CNTN5: variants seen among roughly 807,000 people sequenced by gnomAD.
CNTN5 encodes the protein contactin 5, also known as contactin-5.
In CNTN5, 77 loss-of-function variants were observed where a neutral mutation model predicts 129.1. The ratio of observed to expected loss-of-function variants is 0.60; its 90% CI spans 0.50 to 0.72. The LOEUF is 0.72. Among genes scored for constraint, CNTN5 ranks in the 30% least tolerant of loss-of-function variants. The pLI, the probability that CNTN5 is intolerant of heterozygous loss-of-function variation, is 0.00. For synonymous variants in CNTN5, 509 were observed against 465.6 expected, an observed-to-expected ratio of 1.09 and a Z score of -1.20; for missense variants, 1,478 against 1,328.8, an observed-to-expected ratio of 1.11 and a Z score of -1.75.
At chr11:99,973,251 T>C (rs1351175108) in intron 8 of CNTN5, among the ~76,000 whole-genome samples, 1 of 152,186 alleles carries the variant, frequency 6.6e-6, no homozygotes, top group African/African-American at 2.4e-5. Flanking sequence ...TTAGTAACTG[T>C]GGCTCTCTGG....
At chr11:100,142,330 C>T (rs1226781982) in intron 13 of CNTN5, among the ~76,000 whole-genome samples, 2 of 152,176 alleles carry the variant, frequency 1.3e-5, no homozygotes, top group Non-Finnish European at 2.9e-5. Flanking sequence ...GTCTGTCTGT[C>T]TGCCTATCTG....
intron 12 of CNTN5, among the ~76,000 whole-genome samples, chr11:100,073,006 A>AAAAAAAAAAAAG (rs1565214705): frequency 2.0e-5 from 3 of 151,258 alleles, no homozygotes; most frequent in African/African-American, 7.3e-5. Flanking sequence ...AAAAAAAAAA[A>AAAAAAAAAAAAG]AAAAAGTTAC....
intron 3 of CNTN5, among the ~76,000 whole-genome samples, chr11:99,617,989 T>G (rs1950813459): frequency 6.6e-6 from 1 of 152,168 alleles, no homozygotes; most frequent in Non-Finnish European, 1.5e-5. Context: ...TCTCACACAA[T>G]AAAGTACTCA....
Position 100,061,276 on chromosome 11 carries a change from A to C in CNTN5, c.1045A>C (p.Lys349Gln). 1.2e-6 allele frequency: 2 copies of C among 1,613,684 alleles called. No individual in the cohort carries two copies. Among genetic ancestry groups the C allele is most frequent in the Non-Finnish European group, 1.7e-6 (2 of 1,179,620 alleles). ...TATTCCTAGTAAGGCACGTCTGCGG[A>C]AATCTCAGGCGGTGCTGGAAATACC... is the stretch of plus-strand genomic sequence containing the variant. Reference protein sequence around the residue: ...GYIPSKARLRKSQAVLEIPNV... With the variant: ...GYIPSKARLRQSQAVLEIPNV... Residue 349 changes from lysine to glutamine, a missense_variant, in exon 10 of 25, where the codon AAA (lysine) becomes CAA (glutamine). Coordinates refer to ENST00000524871, the MANE Select transcript of CNTN5 (RefSeq NM_014361.4).
intron 2 of CNTN5, among the ~76,000 whole-genome samples, chr11:99,502,620 T>G (rs1410710484): frequency 6.6e-6 from 1 of 152,174 alleles, no homozygotes. Flanking sequence ...GAACTGTAAG[T>G]CAATTAAACC....
chr11:100,228,847 G>A (rs997653271), intron 16 of CNTN5, among the ~76,000 whole-genome samples: 6 of 152,166 alleles, frequency 3.9e-5, no homozygotes, highest in African/African-American at 1.4e-4. Context: ...TGTCACAGAG[G>A]AAATAGTGAG....
intron 1 of CNTN5, among the ~76,000 whole-genome samples, chr11:99,101,459 C>G (rs886735770): frequency 6.6e-6 from 1 of 152,210 alleles, no homozygotes; most frequent in Non-Finnish European, 1.5e-5. Context: ...AGGCAAGTCC[C>G]TTCCACCTAT....
chr11:99,261,601 G>A (rs929114925), intron 1 of CNTN5, among the ~76,000 whole-genome samples: 19 of 152,010 alleles, frequency 1.2e-4, no homozygotes, highest in African/African-American at 3.9e-4. Context: ...GTAAACAGGG[G>A]CGTTGACACT....
chr11:100,133,618 T>A (rs1173981426), intron 13 of CNTN5, among the ~76,000 whole-genome samples: 1 of 152,098 alleles, frequency 6.6e-6, no homozygotes, highest in Non-Finnish European at 1.5e-5. Context: ...CCAAGAACCA[T>A]GTAAAGTTAT....
chr11:99,158,145 T>C (rs1428436485), intron 1 of CNTN5, among the ~76,000 whole-genome samples: 2 of 152,184 alleles, frequency 1.3e-5, no homozygotes, highest in African/African-American at 4.8e-5. Flanking sequence ...TACTCACCTG[T>C]CCACCTCACC....
chr11:99,402,375 T>C (rs1941858906), intron 2 of CNTN5, among the ~76,000 whole-genome samples: 1 of 152,176 alleles, frequency 6.6e-6, no homozygotes, highest in Non-Finnish European at 1.5e-5. Context: ...ATTACATTGA[T>C]TAATTTGCAT....
chr11:99,630,433 C>T (rs1258290570), intron 3 of CNTN5, among the ~76,000 whole-genome samples: 4 of 151,980 alleles, frequency 2.6e-5, no homozygotes, highest in Non-Finnish European at 5.9e-5. Flanking sequence ...ACATGGTTTA[C>T]ATTAATTTTC....
chr11:100,341,659 A>G (rs1427485769), intron 23 of CNTN5, among the ~76,000 whole-genome samples: 1 of 152,232 alleles, frequency 6.6e-6, no homozygotes, highest in Non-Finnish European at 1.5e-5. Context: ...AAATCCAGGG[A>G]GAGACACAGC....
At chr11:99,699,906 A>T (rs1954444862) in intron 3 of CNTN5, among the ~76,000 whole-genome samples, 1 of 151,490 alleles carries the variant, frequency 6.6e-6, no homozygotes, top group Non-Finnish European at 1.5e-5. Flanking sequence ...TTACACTTAA[A>T]AGTTGTGCTT....
At chr11:99,951,978 G>A (rs1396560733) in intron 7 of CNTN5, among the ~76,000 whole-genome samples, 2 of 152,124 alleles carry the variant, frequency 1.3e-5, no homozygotes, top group East Asian at 1.9e-4. Context: ...TACACACCAA[G>A]TATCTTGTTG....
intron 1 of CNTN5, among the ~76,000 whole-genome samples, chr11:99,154,638 A>C (rs1860245264): frequency 6.6e-6 from 1 of 152,122 alleles, no homozygotes; most frequent in African/African-American, 2.4e-5. Flanking sequence ...GTGAGTAGAC[A>C]CACATTGGTT....
At chr11:99,025,060 TTTTA>T (rs1056136315) in intron 1 of CNTN5, among the ~76,000 whole-genome samples, 4 of 152,060 alleles carry the variant, frequency 2.6e-5, no homozygotes, top group Admixed American at 6.5e-5. Context: ...AATGGCCACT[TTTTA>T]TTTATTTATT....
At chr11:99,272,132 A>G (rs1006260617) in intron 1 of CNTN5, among the ~76,000 whole-genome samples, 17 of 151,892 alleles carry the variant, frequency 1.1e-4, no homozygotes, top group Admixed American at 9.2e-4. Flanking sequence ...AAGAAAACTG[A>G]GCACAGAGCA....
chr11:99,900,450 A>C (rs1949325754), intron 6 of CNTN5, among the ~76,000 whole-genome samples: 2 of 151,606 alleles, frequency 1.3e-5, no homozygotes, highest in Admixed American at 6.6e-5. Flanking sequence ...TTGAAGATTT[A>C]ATGCTATAAA....
Sources: gnomAD v4.1 joint callset for allele counts (sites outside exome capture counted in the v4.1 genomes callset) on GRCh38, gnomAD v4.1.1 for gene constraint, MANE v1.5 for transcripts, NCBI Gene and HGNC (gene_info 2026-07-23, HGNC 2026-07-21) for gene names.